PPM1N: variants seen among roughly 807,000 people sequenced by gnomAD.
PPM1N encodes probable protein phosphatase 1N.
PPM1N carries 35 observed loss-of-function variants against 32.6 expected under a neutral mutation model. That is an observed-to-expected ratio of 1.07 (90% CI 0.82 to 1.43). PPM1N has a LOEUF of 1.43. Among genes scored for constraint, PPM1N ranks in the 40% most tolerant of loss-of-function variants. The probability of loss-of-function intolerance (pLI) is 0.00; values close to 1 mark genes in which losing one functional copy is unlikely to be tolerated. For missense variants in PPM1N, 648 were observed against 606.6 expected (o/e 1.07, Z -0.72); for synonymous variants, 275 against 270.5 (o/e 1.02, Z -0.16).
chr19:45,502,365 A>G lies in PPM1N; in HGVS notation c.*280A>G. On this transcript the variant is annotated 3_prime_UTR_variant, in exon 5 of 5. Transcript: ENST00000451287. ...AAACCCAACCAAATGTTTTTGAAAT[A>G]TTCAGAGCCGAACAGATTCTGAGAG... The G allele has an allele frequency of 3.6e-6, 2 of 554,578 alleles. No individual in the cohort carries two copies. Among genetic ancestry groups the G allele is most frequent in the South Asian group, 4.9e-5 (2 of 40,510 alleles). 34.4% of individuals were successfully genotyped at this position (554,578 alleles called of 1,614,324 possible).
intron 1 of PPM1N, 182 bp downstream of exon 1, chr19:45,499,593 G>C (rs1335573621): frequency 6.5e-7 from 1 of 1,549,666 alleles, no homozygotes; most frequent in Non-Finnish European, 8.7e-7. Flanking sequence ...CGGAGCCTGA[G>C]GGATGCTTTG....
rs61574042 is a variant in PPM1N at position 45,502,308 on chromosome 19, G to GAAAAAAAAAAAAAAAAAAAAAA, written c.*228_*249dup. On this transcript the variant is annotated 3_prime_UTR_variant, in exon 5 of 5. Transcript: ENST00000451287. ...GACCAAAAAGAAAAAAGCCCAAATCGAAAAAAAAAAAAAAAAAAAAAAAAA... is the reference window on the plus strand; with the variant it reads ...GACCAAAAAGAAAAAAGCCCAAATCGAAAAAAAAAAAAAAAAAAAAAAAAAAAAAAAAAAAAAAAAAAAAAAA... 1 of 26,784 alleles carries GAAAAAAAAAAAAAAAAAAAAAA rather than the reference G, an allele frequency of 3.7e-5. No individual in the cohort carries two copies. The highest frequency in any genetic ancestry group is 1.7e-4 in the African/African-American group (1 of 5,740). 1.7% of individuals were successfully genotyped at this position (26,784 alleles called of 1,614,324 possible).
At chr19:45,501,897 C>T (rs964085868) in intron 4 of PPM1N, 120 bp from the exon 5 acceptor site, 2 of 619,244 alleles carry the variant, frequency 3.2e-6, no homozygotes, top group African/African-American at 3.9e-5. Context: ...TTGGGGTCCA[C>T]TCCATTCAAA....
chr19:45,499,610 G>T (rs966021982), intron 1 of PPM1N, 199 bp downstream of exon 1: 4 of 1,549,450 alleles, frequency 2.6e-6, no homozygotes, highest in East Asian at 2.4e-5. Flanking sequence ...TTTGAGGCAC[G>T]GGAGAGTTAG....
chr19:45,500,284 A>C (rs1968391034), intron 2 of PPM1N, among the ~76,000 whole-genome samples, 172 bp from the exon 3 acceptor site: 1 of 151,946 alleles, frequency 6.6e-6, no homozygotes, highest in African/African-American at 2.4e-5. Context: ...ACAGGCATGC[A>C]CAATCACACC....
At chr19:45,500,852 T>G in intron 4 of PPM1N, 142 bp downstream of exon 4, 1 of 665,250 alleles carries the variant, frequency 1.5e-6, no homozygotes, top group Non-Finnish European at 2.6e-6. Flanking sequence ...TCTTTCTTTC[T>G]CTTTTTTTCT....
At chr19:45,501,661 T>C (rs1212952275) in intron 4 of PPM1N, among the ~76,000 whole-genome samples, 2 of 152,198 alleles carry the variant, frequency 1.3e-5, no homozygotes. Flanking sequence ...CTCTTTTTAT[T>C]TTCTCCGAGT....
At chr19:45,501,477 A>C (rs992922467) in intron 4 of PPM1N, among the ~76,000 whole-genome samples, 6 of 152,148 alleles carry the variant, frequency 3.9e-5, no homozygotes, top group Non-Finnish European at 8.8e-5. Flanking sequence ...GATTGTTGAC[A>C]ATTTCTCAGT....
chr19:45,500,764 C>G, intron 4 of PPM1N, 54 bp downstream of exon 4: 1 of 1,417,628 alleles, frequency 7.1e-7, no homozygotes. Flanking sequence ...CCCCCCCGCC[C>G]ACCCCTCTTA....
intron 1 of PPM1N, 28 bp from the exon 2 acceptor site, chr19:45,499,921 C>A: frequency 6.4e-7 from 1 of 1,553,444 alleles, no homozygotes; most frequent in South Asian, 1.2e-5. Flanking sequence ...TCTCCCCCAC[C>A]GGGCTCCTTT....
rs1484256024 is a variant in PPM1N at position 45,502,203 on chromosome 19, A to G, written c.*118A>G. 1.3e-6 allele frequency: 1 copy of G among 755,616 alleles called. No homozygotes were observed. Among genetic ancestry groups the G allele is most frequent in the Non-Finnish European group, 2.3e-6 (1 of 444,314 alleles). The allele number at this position is 755,616 out of a possible 1,614,324, so 46.8% of individuals were successfully genotyped here. A position where few individuals can be genotyped will look rare whatever the true frequency, so the allele number is the denominator to read the frequency against. On this transcript the variant is annotated 3_prime_UTR_variant, in exon 5 of 5. Coordinates refer to ENST00000451287, the MANE Select transcript of PPM1N (RefSeq NM_001080401.2). ...GGAAGGAAGGAAGGCCAATGTAGGA[A>G]CCCAAAATGCTTATTTCTTCTTCTC...
chr19:45,499,562 G>C, intron 1 of PPM1N, 151 bp downstream of exon 1: 11 of 1,550,116 alleles, frequency 7.1e-6, no homozygotes, highest in Non-Finnish European at 9.6e-6. Flanking sequence ...GCCTGAAGTG[G>C]GCAGGGCCAA....
In PPM1N at chr19:45,498,714, A is replaced by C. The variant is rs1302233812; in HGVS notation, c.242A>C (p.Asp81Ala). The C allele has an allele frequency of 6.5e-7, 1 of 1,527,346 alleles. No individual in the cohort carries two copies. The highest frequency in any genetic ancestry group is 1.2e-5 in the South Asian group (1 of 80,756). 94.6% of individuals were successfully genotyped at this position (1,527,346 alleles called of 1,614,324 possible). ...CAAGGCTGGCGCGCGCGCATGGAGG[A>C]TGCTCACTGCACTTGGCTTTCGTTA... ...AAQGWRARME[D>A]AHCTWLSLPG... is the part of the protein sequence containing the mutation. Residue 81 changes from aspartate (D) to alanine (A), a missense_variant, in exon 1 of 5, where the codon GAT becomes GCT. Coordinates refer to ENST00000451287, the MANE Select transcript of PPM1N (RefSeq NM_001080401.2).
In PPM1N at chr19:45,498,655, G is replaced by T. The variant is rs982229019; in HGVS notation, c.183G>T (p.Ala61=). ...AGCGGCCGCACGGGGGTGCCGAGGCGTCTGGGGGCCTGCGCTTCGGGGCGA... is the reference window on the plus strand; with the variant it reads ...AGCGGCCGCACGGGGGTGCCGAGGCTTCTGGGGGCCTGCGCTTCGGGGCGA... ...RAQRPHGGAE[A]SGGLRFGASA... is the part of the protein sequence containing the mutation. Residue 61 remains alanine, a synonymous_variant, in exon 1 of 5, where the codon GCG becomes GCT. Coordinates refer to ENST00000451287, the MANE Select transcript of PPM1N (RefSeq NM_001080401.2). 11 of 1,430,990 alleles carry T rather than the reference G, an allele frequency of 7.7e-6. No individual in the cohort carries two copies. The African/African-American group carries it at 1.5e-4, about 20-fold the overall frequency. 88.6% of individuals were successfully genotyped at this position (1,430,990 alleles called of 1,614,324 possible). A position where few individuals can be genotyped will look rare whatever the true frequency, so the allele number is the denominator to read the frequency against.
At chr19:45,500,387 G>C (rs1968392916) in intron 2 of PPM1N, 69 bp from the exon 3 acceptor site, 1 of 1,383,784 alleles carries the variant, frequency 7.2e-7, no homozygotes, top group Non-Finnish European at 1.0e-6. Flanking sequence ...CGCCCGCCTT[G>C]GTCTCCCAAA....
rs762609165 is a variant in PPM1N at position 45,499,261 on chromosome 19, G to C, written c.789G>C (p.Gln263His). ...AEPEVAALAR[Q>H]AEDEFMLLAS... ...CAGAGGTGGCCGCACTGGCACGCCA[G>C]GCTGAGGACGAGTTCATGCTCCTGG... is the stretch of plus-strand genomic sequence containing the variant. The change falls in exon 1 of 5, where the codon CAG becomes CAC. Residue 263 changes from glutamine (Q) to histidine (H), a missense_variant. Transcript: ENST00000451287. 3 of 1,610,052 alleles carry C rather than the reference G, an allele frequency of 1.9e-6. No individual in the cohort carries two copies. In the Admixed American group the frequency reaches 5.0e-5, roughly 27 times the overall value.
intron 4 of PPM1N, 55 bp downstream of exon 4, chr19:45,500,765 AC>A: frequency 1.9e-6 from 2 of 1,069,102 alleles, no homozygotes; most frequent in Non-Finnish European, 2.4e-6. Context: ...CCCCCCGCCC[AC>A]CCCTCTTAGT....
chr19:45,499,578 AG>A, intron 1 of PPM1N, 167 bp downstream of exon 1: 1 of 1,549,688 alleles, frequency 6.5e-7, no homozygotes, highest in Non-Finnish European at 8.7e-7. Flanking sequence ...GCCAAAATAC[AG>A]GGGCGGAGCC....
At position 45,498,901 on chromosome 19, in the gene PPM1N, CT is replaced by C; in HGVS notation, c.431del (p.Phe144SerfsTer2). 1 of 1,524,878 alleles carries C rather than the reference CT, an allele frequency of 6.6e-7. No homozygotes were observed. Among genetic ancestry groups the C allele is most frequent in the Non-Finnish European group, 8.7e-7 (1 of 1,145,638 alleles). The allele number at this position is 1,524,878 out of a possible 1,614,324, so 94.5% of individuals were successfully genotyped here. On this transcript the variant is annotated frameshift_variant, in exon 1 of 5. Coordinates refer to ENST00000451287, the MANE Select transcript of PPM1N (RefSeq NM_001080401.2). LOFTEE classifies it high-confidence loss of function. ...EGVREALRRA[F>X]LSADERLRSL... ...GCGTGCGCGAGGCGCTGCGCCGAGC[CT>C]TCTTGAGCGCCGACGAGCGCCTGCG...
Sources: gnomAD v4.1 joint callset for allele counts (sites outside exome capture counted in the v4.1 genomes callset) on GRCh38, gnomAD v4.1.1 for gene constraint, MANE v1.5 for transcripts, NCBI Gene and HGNC (gene_info 2026-07-23, HGNC 2026-07-21) for gene names.